VMP1: variants seen among roughly 807,000 people sequenced by gnomAD.
The protein encoded by VMP1 is vacuole membrane protein 1, also known as ectopic P-granules autophagy protein 3 homolog.
In VMP1, 11 loss-of-function variants were observed where a neutral mutation model predicts 56.0. The ratio of observed to expected loss-of-function variants is 0.20; its 90% CI spans 0.12 to 0.32. The LOEUF (loss-of-function observed/expected upper bound fraction) is 0.32. Ranked by LOEUF, VMP1 falls within the 10% of genes least tolerant of loss-of-function variation. VMP1 has a pLI of 1.00. For synonymous variants in VMP1, 149 were observed against 165.0 expected, an observed-to-expected ratio of 0.90 and a Z score of 0.74; for missense variants, 296 against 490.3, an observed-to-expected ratio of 0.60 and a Z score of 3.74.
At position 59,817,699 on chromosome 17, in the gene VMP1, G is replaced by A. The variant is rs1024281605; in HGVS notation, c.913-13G>A. 6.3e-7 allele frequency: 1 copy of A among 1,590,646 alleles called. No homozygotes were observed. The highest frequency in any genetic ancestry group is 8.6e-7 in the Non-Finnish European group (1 of 1,166,438). ...GACTAAATAATTTATTTTAACTGGT[G>A]TTTTCTTTACAGAAAATTTTTGTTA... On this transcript the variant is annotated splice_polypyrimidine_tract_variant and intron_variant, in intron 9 of 11. Transcript: ENST00000262291.
chr17:59,712,777 G>A (rs1156434771), intron 1 of VMP1, among the ~76,000 whole-genome samples: 1 of 152,160 alleles, frequency 6.6e-6, no homozygotes, highest in Non-Finnish European at 1.5e-5. Flanking sequence ...TTGATTTTGA[G>A]TGCAGTAGGA....
intron 7 of VMP1, among the ~76,000 whole-genome samples, chr17:59,791,109 CTAAAATCA>C (rs1316264212): frequency 6.6e-6 from 1 of 151,544 alleles, no homozygotes; most frequent in African/African-American, 2.4e-5. Flanking sequence ...TTTCATATTT[CTAAAATCA>C]TGGGCCTGTT....
intron 5 of VMP1, among the ~76,000 whole-genome samples, chr17:59,745,985 A>G (rs2035409564): frequency 6.6e-6 from 1 of 152,236 alleles, no homozygotes. Flanking sequence ...ATTTGTGTTT[A>G]GAATGAATGA....
intron 1 of VMP1, among the ~76,000 whole-genome samples, chr17:59,723,215 G>A (rs1367252747): frequency 6.6e-6 from 1 of 152,130 alleles, no homozygotes; most frequent in African/African-American, 2.4e-5. Flanking sequence ...TATTCATAAA[G>A]CACTTTCATA....
chr17:59,766,293 C>A (rs1018233995), intron 6 of VMP1, among the ~76,000 whole-genome samples: 1 of 152,088 alleles, frequency 6.6e-6, no homozygotes, highest in Admixed American at 6.6e-5. Context: ...CACTTGAGGC[C>A]AGGAGTTCGA....
Position 59,838,331 on chromosome 17 carries a change from A to G in VMP1, c.1011A>G (p.Pro337=), listed in dbSNP as rs2076548456. Residue 337 remains proline (P), a synonymous_variant, in exon 11 of 12, where the codon CCA becomes CCG. Coordinates refer to ENST00000262291, the MANE Select transcript of VMP1 (RefSeq NM_030938.5). ...GCATAGGTCCATCTCTGCAGAAGCC[A>G]TTTCAGGAGTACCTGGAGGCTCAAC... ...VPGIGPSLQK[P]FQEYLEAQRQ... The G allele has an allele frequency of 6.2e-7, 1 of 1,614,080 alleles. No individual in the cohort carries two copies. The highest frequency in any genetic ancestry group is 8.5e-7 in the Non-Finnish European group (1 of 1,180,022).
intron 9 of VMP1, among the ~76,000 whole-genome samples, chr17:59,816,256 T>G (rs2038227821): frequency 6.6e-6 from 1 of 152,044 alleles, no homozygotes; most frequent in African/African-American, 2.4e-5. Flanking sequence ...GTAGGGAAAG[T>G]TCATGGTGAT....
intron 7 of VMP1, among the ~76,000 whole-genome samples, chr17:59,803,596 T>C (rs1014376055): frequency 1.3e-5 from 2 of 152,182 alleles, no homozygotes; most frequent in Non-Finnish European, 2.9e-5. Context: ...AGTTGTGAAA[T>C]AGGTAAAAGT....
At chr17:59,719,747 A>C (rs2034320884) in intron 1 of VMP1, among the ~76,000 whole-genome samples, 2 of 152,050 alleles carry the variant, frequency 1.3e-5, no homozygotes, top group African/African-American at 4.8e-5. Flanking sequence ...AAATGAATGG[A>C]GTATTATAGT....
At chr17:59,741,093 G>A (rs551947659) in intron 5 of VMP1, among the ~76,000 whole-genome samples, 8 of 152,286 alleles carry the variant, frequency 5.3e-5, no homozygotes, top group Non-Finnish European at 8.8e-5. Context: ...CTATTCAGGA[G>A]GCTGAAGCGA....
intron 5 of VMP1, 25 bp downstream of exon 5, chr17:59,738,972 G>A: frequency 6.6e-7 from 1 of 1,514,652 alleles, no homozygotes; most frequent in Non-Finnish European, 8.9e-7. Context: ...ATTTTAATAA[G>A]CAAAAATGAT....
intron 10 of VMP1, among the ~76,000 whole-genome samples, chr17:59,831,651 A>G (rs2038809614): frequency 6.9e-6 from 1 of 145,048 alleles, no homozygotes. Context: ...TAAGCTTGCC[A>G]AGAAGTTTGT....
At chr17:59,766,663 G>T (rs2036242016) in intron 6 of VMP1, among the ~76,000 whole-genome samples, 1 of 152,094 alleles carries the variant, frequency 6.6e-6, no homozygotes, top group African/African-American at 2.4e-5. Context: ...TTTACTTTCA[G>T]TTGTTCCAGT....
chr17:59,709,837 GT>G (rs968477665), intron 1 of VMP1, among the ~76,000 whole-genome samples: 2 of 152,128 alleles, frequency 1.3e-5, no homozygotes, highest in Admixed American at 6.5e-5. Flanking sequence ...AAAAGCTGAA[GT>G]TTTTTGCCTA....
intron 6 of VMP1, among the ~76,000 whole-genome samples, chr17:59,767,683 C>T (rs1292830719): frequency 1.3e-5 from 2 of 152,086 alleles, no homozygotes; most frequent in African/African-American, 4.8e-5. Context: ...TATATATTGT[C>T]TGTAGTGCTT....
intron 2 of VMP1, among the ~76,000 whole-genome samples, chr17:59,735,046 G>A (rs1016440095): frequency 2.6e-5 from 4 of 151,490 alleles, no homozygotes; most frequent in African/African-American, 9.7e-5. Flanking sequence ...CGAGTAGCTG[G>A]GATTACAGGC....
chr17:59,745,500 C>T (rs893391825), intron 5 of VMP1, among the ~76,000 whole-genome samples: 4 of 152,162 alleles, frequency 2.6e-5, no homozygotes, highest in African/African-American at 9.7e-5. Context: ...TTAATAGAAA[C>T]AATTTCAAAT....
At chr17:59,808,329 G>A (rs2037921726) in intron 7 of VMP1, among the ~76,000 whole-genome samples, 2 of 152,198 alleles carry the variant, frequency 1.3e-5, no homozygotes, top group East Asian at 1.9e-4. Context: ...CTGTGCAAAT[G>A]TAGGATGTTC....
At chr17:59,757,683 C>T (rs1344263134) in intron 5 of VMP1, among the ~76,000 whole-genome samples, 3 of 151,868 alleles carry the variant, frequency 2.0e-5, no homozygotes, top group African/African-American at 7.3e-5. Flanking sequence ...TATTCCATTA[C>T]CAATCTTTGG....
Sources: allele counts gnomAD v4.1 joint callset (sites outside exome capture counted in the v4.1 genomes callset), GRCh38; gene constraint gnomAD v4.1.1; transcripts MANE v1.5; gene names NCBI Gene and HGNC (gene_info 2026-07-23, HGNC 2026-07-21).